PTPRD: variants seen among roughly 807,000 people sequenced by gnomAD.
PTPRD encodes receptor-type tyrosine-protein phosphatase delta.
A neutral mutation model predicts 214.5 loss-of-function variants in PTPRD; 34 were observed. The observed-to-expected ratio is 0.16, with a 90% CI of 0.12 to 0.21. PTPRD has a LOEUF of 0.21. Among genes scored for constraint, PTPRD ranks in the 10% least tolerant of loss-of-function variants. PTPRD has a pLI of 1.00. For missense variants in PTPRD, 2,545 were observed against 2,398.7 expected (o/e 1.06, Z -1.27); for synonymous variants, 1,128 against 845.7 (o/e 1.33, Z -5.79).
intron 5 of PTPRD, among the ~76,000 whole-genome samples, chr9:9,871,083 T>G (rs1401732286): frequency 6.6e-6 from 1 of 152,182 alleles, no homozygotes; most frequent in Admixed American, 6.5e-5. Flanking sequence ...CTCTCTAGTC[T>G]AAAACATTTT....
intron 3 of PTPRD, among the ~76,000 whole-genome samples, chr9:10,312,941 G>A (rs980716081): frequency 6.6e-6 from 1 of 151,916 alleles, no homozygotes; most frequent in African/African-American, 2.4e-5. Context: ...ATTACATACA[G>A]AGTAAAACAA....
chr9:10,380,192 G>T (rs1005010497), intron 2 of PTPRD, among the ~76,000 whole-genome samples: 1 of 151,998 alleles, frequency 6.6e-6, no homozygotes, highest in Non-Finnish European at 1.5e-5. Flanking sequence ...GAACCAAAAA[G>T]AAACACATAG....
chr9:8,390,832 A>G (rs143892613), intron 36 of PTPRD, among the ~76,000 whole-genome samples: 213 of 152,310 alleles, frequency 1.4e-3, no homozygotes, highest in African/African-American at 4.8e-3. Context: ...AGGAAATGGT[A>G]GGAATTGGGA....
intron 30 of PTPRD, among the ~76,000 whole-genome samples, chr9:8,473,466 A>G (rs887452764): frequency 1.3e-5 from 2 of 152,130 alleles, no homozygotes; most frequent in Non-Finnish European, 2.9e-5. Context: ...ACAAAATCAC[A>G]CTGCAGATGT....
intron 2 of PTPRD, among the ~76,000 whole-genome samples, chr9:10,602,222 T>A (rs2078162741): frequency 6.6e-6 from 1 of 151,798 alleles, no homozygotes; most frequent in African/African-American, 2.4e-5. Flanking sequence ...GTCGATCCAA[T>A]TCGCTGTGAA....
chr9:9,826,737 T>C (rs536393597), intron 5 of PTPRD, among the ~76,000 whole-genome samples: 4 of 152,250 alleles, frequency 2.6e-5, no homozygotes, highest in African/African-American at 9.6e-5. Context: ...GACTTCTTCA[T>C]GATTATGTAT....
intron 3 of PTPRD, among the ~76,000 whole-genome samples, chr9:10,238,985 A>G (rs2099637997): frequency 6.6e-6 from 1 of 151,848 alleles, no homozygotes; most frequent in African/African-American, 2.4e-5. Context: ...ACATCGAAGA[A>G]GGCTTCCATG....
rs548384365 is a variant in PTPRD, at chr9:9,643,051, G to A, written c.-286-68270C>T. On this transcript the variant is annotated intron_variant, in intron 7 of 45. Transcript: ENST00000381196. ...AGCTTGCTAAAATATGAGTTTCCAT[G>A]AGCACATACATGTGTATGACAGAGA... 6.6e-5 allele frequency among the ~76,000 whole-genome samples: 10 copies of A among 152,296 alleles called. No homozygotes were observed. The South Asian group carries it at 2.1e-3, about 32-fold the overall frequency.
chr9:8,526,758 T>C, intron 16 of PTPRD, 114 bp from the exon 17 acceptor site: 2 of 786,294 alleles, frequency 2.5e-6, no homozygotes, highest in Non-Finnish European at 3.9e-6. Flanking sequence ...TTAAATAAGG[T>C]CTTAAAAGAA....
At chr9:9,892,124 T>C (rs898793493) in intron 5 of PTPRD, among the ~76,000 whole-genome samples, 9 of 151,934 alleles carry the variant, frequency 5.9e-5, no homozygotes, top group Admixed American at 5.9e-4. Flanking sequence ...GCCTAGTAAA[T>C]AGACAAGTAA....
At chr9:10,112,013 C>T (rs893608200) in intron 3 of PTPRD, among the ~76,000 whole-genome samples, 1 of 152,196 alleles carries the variant, frequency 6.6e-6, no homozygotes. Flanking sequence ...GCCTGATTGA[C>T]TGATTGACTA....
chr9:9,920,348 A>G (rs2082214939), intron 5 of PTPRD, among the ~76,000 whole-genome samples: 1 of 152,150 alleles, frequency 6.6e-6, no homozygotes, highest in Non-Finnish European at 1.5e-5. Context: ...GCTAAAAGGT[A>G]ATTGATCCTC....
At chr9:10,464,026 T>A (rs2098976706) in intron 2 of PTPRD, among the ~76,000 whole-genome samples, 1 of 152,160 alleles carries the variant, frequency 6.6e-6, no homozygotes, top group Non-Finnish European at 1.5e-5. Flanking sequence ...AATCCTCTGT[T>A]AGCATAAAGT....
chr9:10,265,035 T>C (rs888789978), intron 3 of PTPRD, among the ~76,000 whole-genome samples: 1 of 152,202 alleles, frequency 6.6e-6, no homozygotes, highest in Non-Finnish European at 1.5e-5. Flanking sequence ...CTGTGAGGCC[T>C]TCCCAGTCAT....
intron 11 of PTPRD, among the ~76,000 whole-genome samples, chr9:8,935,690 T>A (rs991339815): frequency 6.6e-6 from 1 of 152,164 alleles, no homozygotes; most frequent in Non-Finnish European, 1.5e-5. Context: ...CCCCCCACAG[T>A]GGGAAATTAC....
chr9:10,271,439 C>T (rs1344736362), intron 3 of PTPRD, among the ~76,000 whole-genome samples: 1 of 146,954 alleles, frequency 6.8e-6, no homozygotes, highest in Non-Finnish European at 1.5e-5. Flanking sequence ...TTGAACTTCA[C>T]AAAAATTGCA....
chr9:10,556,289 A>G (rs1411788776), intron 2 of PTPRD, among the ~76,000 whole-genome samples: 1 of 152,030 alleles, frequency 6.6e-6, no homozygotes, highest in Non-Finnish European at 1.5e-5. Flanking sequence ...AAATAATTCG[A>G]AATTTTACAA....
chr9:9,525,697 TAAA>T (rs1297602508), intron 8 of PTPRD, among the ~76,000 whole-genome samples: 1 of 151,960 alleles, frequency 6.6e-6, no homozygotes, highest in Non-Finnish European at 1.5e-5. Flanking sequence ...TAGTAAATAA[TAAA>T]AATAAGGCAG....
At position 8,598,447 on chromosome 9, in the gene PTPRD, C is replaced by T. The variant is rs181020484; in HGVS notation, c.352+34870G>A. On this transcript the variant is annotated intron_variant, in intron 14 of 45. Transcript: ENST00000381196. ...CTGCACTCCAGCCTAGGCAACAGAACAAGACTGTCTCAAAAAAATAAAATA... is the reference window on the plus strand; with the variant it reads ...CTGCACTCCAGCCTAGGCAACAGAATAAGACTGTCTCAAAAAAATAAAATA... Among the ~76,000 whole-genome samples, 73 of 151,502 alleles carry T rather than the reference C, an allele frequency of 4.8e-4. 1 individual carries two copies. The highest frequency in any genetic ancestry group is 9.1e-4 in the Non-Finnish European group (62 of 67,964).
Sources: allele counts gnomAD v4.1 joint callset (sites outside exome capture counted in the v4.1 genomes callset), GRCh38; gene constraint gnomAD v4.1.1; transcripts MANE v1.5; gene names NCBI Gene and HGNC (gene_info 2026-07-23, HGNC 2026-07-21).